LAMC3: variants seen among roughly 807,000 people sequenced by gnomAD.
LAMC3 encodes the protein laminin subunit gamma 3.
LAMC3 carries 128 observed loss-of-function variants against 173.8 expected under a neutral mutation model. That is an observed-to-expected ratio of 0.74 (90% CI 0.64 to 0.85). The LOEUF (loss-of-function observed/expected upper bound fraction) is 0.85, where lower values mean the gene tolerates loss of function less well. LAMC3 is among the 40% of genes least tolerant of loss of function. LAMC3 has a pLI of 0.00. For synonymous variants in LAMC3, 897 were observed against 909.1 expected (o/e 0.99, Z 0.24); for missense variants, 2,022 against 2,156.0 (o/e 0.94, Z 1.23).
In LAMC3 at chr9:131,049,420, G is replaced by A. The variant is rs533329458; in HGVS notation, c.1630+290G>A. Among the ~76,000 whole-genome samples the A allele has an allele frequency of 2.9e-4, 44 of 151,976 alleles. 2 individuals are homozygous for A. In the South Asian group the frequency reaches 7.7e-3, roughly 27 times the overall value. The stretch of plus-strand genomic sequence containing the variant: ...TTCAAAGCAGCTGAGTTTTTCTCAC[G>A]CCCCATCACTGGCACCAACTCCCCT... On this transcript the variant is annotated intron_variant, in intron 9 of 27. Coordinates refer to ENST00000361069, the MANE Select transcript of LAMC3 (RefSeq NM_006059.4).
chr9:131,059,526 A>G, intron 12 of LAMC3, among the ~76,000 whole-genome samples: 1 of 102,236 alleles, frequency 9.8e-6, no homozygotes, highest in Admixed American at 1.0e-4. Context: ...AAAAGACGTC[A>G]GCTGACCTAG....
At chr9:131,057,469 C>T (rs1829711047) in intron 12 of LAMC3, among the ~76,000 whole-genome samples, 1 of 152,166 alleles carries the variant, frequency 6.6e-6, no homozygotes, top group African/African-American at 2.4e-5. Context: ...CCAGGAAGGA[C>T]CAGGGAAAGA....
chr9:131,071,685 G>T, intron 18 of LAMC3, 60 bp downstream of exon 18: 1 of 1,483,384 alleles, frequency 6.7e-7, no homozygotes, highest in Non-Finnish European at 8.9e-7. Flanking sequence ...AGCGCCTGCA[G>T]TCTGGTGTCG....
Position 131,092,181 on chromosome 9 carries a change from C to T in LAMC3, c.*394C>T, listed in dbSNP as rs1830439113. 2 of 272,332 alleles carry T rather than the reference C, an allele frequency of 7.3e-6. No homozygotes were observed. Among genetic ancestry groups the T allele is most frequent in the Non-Finnish European group, 1.4e-5 (2 of 139,516 alleles). 16.9% of individuals were successfully genotyped at this position (272,332 alleles called of 1,614,324 possible). The stretch of plus-strand genomic sequence containing the variant: ...AGCTGTTGTGAGAGCCACCTGTGTG[C>T]TGGACACCCTCTGGATGTTGGGCAA... On this transcript the variant is annotated 3_prime_UTR_variant, in exon 28 of 28. Transcript: ENST00000361069.
chr9:131,038,696 T>G (rs991529252), intron 4 of LAMC3, among the ~76,000 whole-genome samples, 168 bp from the exon 5 acceptor site: 1 of 152,172 alleles, frequency 6.6e-6, no homozygotes, highest in African/African-American at 2.4e-5. Context: ...AATCAATTGA[T>G]CAATGTCTAG....
At chr9:131,031,327 C>T (rs914021810) in intron 2 of LAMC3, among the ~76,000 whole-genome samples, 10 of 152,246 alleles carry the variant, frequency 6.6e-5, no homozygotes, top group African/African-American at 2.4e-4. Context: ...CCTCCACGCT[C>T]TTCCATGGGG....
At chr9:131,045,334 G>A (rs969322452) in intron 7 of LAMC3, among the ~76,000 whole-genome samples, 190 bp from the exon 8 acceptor site, 3 of 152,160 alleles carry the variant, frequency 2.0e-5, no homozygotes, top group African/African-American at 7.2e-5. Context: ...AGCATCAGGG[G>A]AGGCTGTCTG....
chr9:131,043,324 C>T (rs978010991), intron 7 of LAMC3, among the ~76,000 whole-genome samples: 1 of 152,240 alleles, frequency 6.6e-6, no homozygotes, highest in African/African-American at 2.4e-5. Context: ...ACTATCTCTT[C>T]TTCCTGGCTT....
rs963854047 is a variant in LAMC3 at position 131,030,408 on chromosome 9, C to G, written c.679-1637C>G. On this transcript the variant is annotated intron_variant, in intron 2 of 27. Coordinates refer to ENST00000361069, the MANE Select transcript of LAMC3 (RefSeq NM_006059.4). ...AGGCCAGGAAGCAGAGGTGGGAGAC[C>G]TTGGGCAGGTCATTGCTGTCTCTGG... Among the ~76,000 whole-genome samples the G allele has an allele frequency of 3.3e-5, 5 of 152,164 alleles. No homozygotes were observed. The East Asian group carries it at 7.7e-4, about 23-fold the overall frequency.
intron 14 of LAMC3, 94 bp from the exon 15 acceptor site, chr9:131,067,984 A>C (rs1284786802): frequency 1.1e-5 from 14 of 1,331,144 alleles, no homozygotes; most frequent in Non-Finnish European, 1.5e-5. Flanking sequence ...TCATCTCTGG[A>C]GGCTCCCCCA....
Position 131,076,060 on chromosome 9 carries a change from C to T in LAMC3, c.3629+95C>T, listed in dbSNP as rs1009088170. On this transcript the variant is annotated intron_variant, in intron 21 of 27. Transcript: ENST00000361069. The stretch of plus-strand genomic sequence containing the variant: ...GGCTGCTGGTTCCAGAGCCAGCTCC[C>T]TTGAGTCCTGACGTTCTTTGTCGTT... 4.7e-6 allele frequency: 6 copies of T among 1,263,622 alleles called. No homozygotes were observed. In the Admixed American group the frequency reaches 1.2e-4, roughly 26 times the overall value. 78.3% of individuals were successfully genotyped at this position (1,263,622 alleles called of 1,614,324 possible).
intron 23 of LAMC3, among the ~76,000 whole-genome samples, chr9:131,079,889 A>G (rs1109471): frequency 0.22 from 33,712 of 152,070 alleles, 4,737 homozygotes; most frequent in Non-Finnish European, 0.29. Context: ...GCCTCCATTC[A>G]TTAGTTCATT....
At chr9:131,030,231 C>T (rs2133232347) in intron 2 of LAMC3, among the ~76,000 whole-genome samples, 1 of 152,330 alleles carries the variant, frequency 6.6e-6, no homozygotes, top group African/African-American at 2.4e-5. Context: ...TGAGCCATCA[C>T]ACCAGGCCCT....
chr9:131,066,993 T>C lies in LAMC3; in HGVS notation c.2381T>C (p.Phe794Ser). The C allele has an allele frequency of 1.2e-6, 2 of 1,614,004 alleles. No homozygotes were observed. The highest frequency in any genetic ancestry group is 1.7e-6 in the Non-Finnish European group (2 of 1,180,024). The stretch of plus-strand genomic sequence containing the variant: ...TGTGAGGTCTGTGATGATGGCTTTT[T>C]TGGGGACCCGCTGGGGCTCTTTGGG... ...RRCEVCDDGF[F>S]GDPLGLFGHP... The change falls in exon 14 of 28, where the codon TTT (phenylalanine) becomes TCT (serine). Residue 794 changes from phenylalanine to serine, a missense_variant. Physicochemically the swap from Phe to Ser is radical, Grantham distance 155. Coordinates refer to ENST00000361069, the MANE Select transcript of LAMC3 (RefSeq NM_006059.4).
intron 27 of LAMC3, among the ~76,000 whole-genome samples, chr9:131,088,804 A>G (rs1447607392): frequency 6.6e-6 from 1 of 151,982 alleles, no homozygotes; most frequent in African/African-American, 2.4e-5. Context: ...ACTCTGGGCC[A>G]GGCAGGGTGG....
intron 1 of LAMC3, among the ~76,000 whole-genome samples, chr9:131,014,916 G>A (rs115986229): frequency 0.013 from 2,010 of 152,256 alleles, 50 homozygotes; most frequent in African/African-American, 0.046. Context: ...CTGGGAGTTC[G>A]AGGCTGTAGT....
intron 3 of LAMC3, among the ~76,000 whole-genome samples, chr9:131,032,602 T>TTCTC (rs148698819): frequency 0.1 from 11,872 of 118,644 alleles, 572 homozygotes; most frequent in Middle Eastern, 0.34. Context: ...CTCACTCGCT[T>TTCTC]TCTCTCTCTC....
At chr9:131,028,668 A>G (rs911755764) in intron 2 of LAMC3, among the ~76,000 whole-genome samples, 4 of 152,146 alleles carry the variant, frequency 2.6e-5, no homozygotes, top group Non-Finnish European at 5.9e-5. Context: ...CAGCCAGTGG[A>G]GAGGCGCCCG....
rs776301775 is a variant in LAMC3 at position 131,087,625 on chromosome 9, ACGTTTG to A, written c.4377+5_4377+10del. The A allele has an allele frequency of 6.2e-7, 1 of 1,613,902 alleles. No individual in the cohort carries two copies. The highest frequency in any genetic ancestry group is 8.5e-7 in the Non-Finnish European group (1 of 1,179,936). ...AGGAGCTGGAGGAAGCTGAGCGGGT[ACGTTTG>A]CCAGGGCCCCTACCCTATCGCCTCC... is the stretch of plus-strand genomic sequence containing the variant. On this transcript the variant is annotated splice_donor_5th_base_variant and intron_variant, in intron 26 of 27. Coordinates refer to ENST00000361069, the MANE Select transcript of LAMC3 (RefSeq NM_006059.4).
Sources: gnomAD v4.1 joint callset for allele counts (sites outside exome capture counted in the v4.1 genomes callset) on GRCh38, gnomAD v4.1.1 for gene constraint, MANE v1.5 for transcripts, NCBI Gene and HGNC (gene_info 2026-07-23, HGNC 2026-07-21) for gene names.